STT3B: variants seen among roughly 807,000 people sequenced by gnomAD.
The protein encoded by STT3B is dolichyl-diphosphooligosaccharide--protein glycosyltransferase subunit STT3B.
A neutral mutation model predicts 96.8 loss-of-function variants in STT3B; 29 were observed. The ratio of observed to expected loss-of-function variants is 0.30; its 90% confidence interval spans 0.22 to 0.41. The LOEUF is 0.41. Among genes scored for constraint, STT3B ranks in the 10% least tolerant of loss-of-function variants. STT3B has a pLI of 1.00. For synonymous variants in STT3B, 367 were observed against 360.0 expected, an observed-to-expected ratio of 1.02 and a Z score of -0.22; for missense variants, 640 against 1,022.3, an observed-to-expected ratio of 0.63 and a Z score of 5.10.
chr3:31,598,658 G>C (rs950628839), intron 4 of STT3B, among the ~76,000 whole-genome samples: 2 of 152,168 alleles, frequency 1.3e-5, no homozygotes, highest in Non-Finnish European at 2.9e-5. Flanking sequence ...TTCACTGTCA[G>C]ACTGGTTTCA....
At chr3:31,613,808 G>A (rs915968825) in intron 5 of STT3B, among the ~76,000 whole-genome samples, 2 of 151,910 alleles carry the variant, frequency 1.3e-5, no homozygotes, top group Non-Finnish European at 2.9e-5. Flanking sequence ...TTACATTTGG[G>A]TTTGGGTACG....
chr3:31,565,761 A>G (rs891977673), intron 1 of STT3B, among the ~76,000 whole-genome samples: 8 of 152,142 alleles, frequency 5.3e-5, no homozygotes, highest in Admixed American at 1.3e-4. Flanking sequence ...GCAGTACTTA[A>G]TAAAGGTTTC....
chr3:31,627,394 C>T (rs892742630), intron 13 of STT3B, among the ~76,000 whole-genome samples: 3 of 152,244 alleles, frequency 2.0e-5, no homozygotes, highest in East Asian at 1.9e-4. Context: ...CTCCGCCATC[C>T]GTGGAAAAAT....
chr3:31,564,203 A>G (rs548382138), intron 1 of STT3B, among the ~76,000 whole-genome samples: 2 of 152,338 alleles, frequency 1.3e-5, no homozygotes, highest in South Asian at 2.1e-4. Flanking sequence ...ATCATTTACA[A>G]CCTCACACTG....
chr3:31,565,836 A>G (rs1006863462), intron 1 of STT3B, among the ~76,000 whole-genome samples: 31 of 152,224 alleles, frequency 2.0e-4, no homozygotes, highest in Admixed American at 6.5e-4. Context: ...ACAGTCAGAC[A>G]TATATTAGAC....
At chr3:31,635,771 ACCTAGTCCTTT>A (rs1699744324) in intron 15 of STT3B, among the ~76,000 whole-genome samples, 1 of 152,104 alleles carries the variant, frequency 6.6e-6, no homozygotes, top group African/African-American at 2.4e-5. Context: ...ATGTCTAGGA[ACCTAGTCCTTT>A]CACTTTGAAT....
chr3:31,631,018 G>T (rs190890068), intron 14 of STT3B, among the ~76,000 whole-genome samples: 5 of 152,212 alleles, frequency 3.3e-5, no homozygotes, highest in African/African-American at 4.8e-5. Context: ...GGATGGTCTC[G>T]ATCTGACCTC....
chr3:31,630,276 T>C (rs1699626511), intron 14 of STT3B, among the ~76,000 whole-genome samples: 2 of 152,228 alleles, frequency 1.3e-5, no homozygotes, highest in Admixed American at 1.3e-4. Context: ...TCTAAGACTC[T>C]TATCAGCCCA....
chr3:31,613,098 G>C (rs1024378470), intron 5 of STT3B, among the ~76,000 whole-genome samples: 1 of 152,096 alleles, frequency 6.6e-6, no homozygotes, highest in African/African-American at 2.4e-5. Flanking sequence ...GTAGGGTTTT[G>C]TTTTGGGGTA....
At chr3:31,579,479 A>T (rs1440755633) in intron 2 of STT3B, among the ~76,000 whole-genome samples, 33 of 46,996 alleles carry the variant, frequency 7.0e-4, no homozygotes, top group South Asian at 1.0e-3. Flanking sequence ...TGTTTTGATA[A>T]AAAAAAAAAA....
intron 1 of STT3B, among the ~76,000 whole-genome samples, chr3:31,563,262 T>G (rs2125445616): frequency 6.6e-6 from 1 of 152,312 alleles, no homozygotes; most frequent in South Asian, 2.1e-4. Context: ...TTTTTATTGG[T>G]TTTGATTGCT....
rs1344951421 is a variant in STT3B at position 31,635,986 on chromosome 3, T to C, written c.2403T>C (p.Thr801=). The part of the protein sequence containing the change: ...FPKQKYLSKK[T]TKRKRGYIKN... ...CTATGTGTTTTGTTTTTTTATAGAC[T>C]ACCAAAAGGAAGCGTGGCTACATTA... The change falls in exon 16 of 16, where the codon ACT becomes ACC. Residue 801 remains threonine (T), a splice_region_variant and synonymous_variant. Transcript: ENST00000295770. 6.2e-7 allele frequency: 1 copy of C among 1,602,388 alleles called. No homozygotes were observed. The highest frequency in any genetic ancestry group is 2.2e-5 in the East Asian group (1 of 44,678).
intron 5 of STT3B, among the ~76,000 whole-genome samples, chr3:31,610,715 G>A (rs1416766948): frequency 2.0e-5 from 3 of 152,140 alleles, no homozygotes; most frequent in East Asian, 1.9e-4. Flanking sequence ...TTTAGGTTCT[G>A]TTGAGATTAT....
At chr3:31,544,203 A>G (rs1697347767) in intron 1 of STT3B, among the ~76,000 whole-genome samples, 1 of 152,210 alleles carries the variant, frequency 6.6e-6, no homozygotes. Flanking sequence ...GTTAATTAAT[A>G]TGCAAATTAA....
Position 31,548,449 on chromosome 3 carries a change from A to C in STT3B, c.314+15137A>C, listed in dbSNP as rs537486624. 3.9e-5 allele frequency among the ~76,000 whole-genome samples: 6 copies of C among 152,262 alleles called. 1 individual carries two copies. The highest frequency in any genetic ancestry group is 1.4e-4 in the African/African-American group (6 of 41,550). On this transcript the variant is annotated intron_variant, in intron 1 of 15. Transcript: ENST00000295770. ...AAATGAGCCCATTTAAAATTTAATA[A>C]ATGTATTTTTAACATTTGTATTCTC...
intron 1 of STT3B, among the ~76,000 whole-genome samples, chr3:31,554,127 C>G (rs1445665804): frequency 6.6e-6 from 1 of 152,084 alleles, no homozygotes; most frequent in Non-Finnish European, 1.5e-5. Flanking sequence ...TTTTGCCAAC[C>G]ACAGTTTGAG....
At chr3:31,603,610 G>A (rs1230386909) in intron 5 of STT3B, among the ~76,000 whole-genome samples, 2 of 152,006 alleles carry the variant, frequency 1.3e-5, no homozygotes, top group African/African-American at 4.8e-5. Context: ...TAAAACTGAT[G>A]GGATGTGAAG....
chr3:31,603,294 A>G (rs1553606411), intron 5 of STT3B, among the ~76,000 whole-genome samples: 1 of 152,058 alleles, frequency 6.6e-6, no homozygotes, highest in Non-Finnish European at 1.5e-5. Context: ...GAAAACTGTC[A>G]AAGTTTATTC....
chr3:31,569,259 TG>T (rs1247095574), intron 1 of STT3B, among the ~76,000 whole-genome samples: 1 of 152,186 alleles, frequency 6.6e-6, no homozygotes, highest in Non-Finnish European at 1.5e-5. Context: ...CCCAAGTAGC[TG>T]AGTTTACAGA....
Sources: allele counts gnomAD v4.1 joint callset (sites outside exome capture counted in the v4.1 genomes callset), GRCh38; gene constraint gnomAD v4.1.1; transcripts MANE v1.5; gene names NCBI Gene and HGNC (gene_info 2026-07-23, HGNC 2026-07-21).